The following FAM107A variants were observed in gnomAD, a reference collection of about 807,000 sequenced individuals.
The protein encoded by FAM107A is family with sequence similarity 107 member A, also known as actin-associated protein FAM107A.
A neutral mutation model predicts 13.7 loss-of-function variants in FAM107A; 19 were observed. The ratio of observed to expected loss-of-function variants is 1.38; its 90% CI spans 0.97 to 2.03. The LOEUF (loss-of-function observed/expected upper bound fraction) is 2.03. FAM107A is among the 30% of genes most tolerant of loss of function. FAM107A has a pLI of 0.00. For synonymous variants in FAM107A, 82 were observed against 74.5 expected (o/e 1.10, Z -0.52); for missense variants, 203 against 184.4 (o/e 1.10, Z -0.58).
chr3:58,599,351 G>A (rs1291066621), intron 1 of FAM107A, among the ~76,000 whole-genome samples: 2 of 152,324 alleles, frequency 1.3e-5, no homozygotes, highest in Admixed American at 1.3e-4. Context: ...AAGTGGAAAT[G>A]CTAGACCAGG....
intron 1 of FAM107A, among the ~76,000 whole-genome samples, chr3:58,583,454 C>A (rs2108059208): frequency 6.6e-6 from 1 of 152,200 alleles, no homozygotes; most frequent in Admixed American, 6.5e-5. Flanking sequence ...GAAACCCTGT[C>A]TCTATTAAAA....
chr3:58,581,866 T>C (rs67691350), upstream of FAM107A, among the ~76,000 whole-genome samples: 24,305 of 152,264 alleles, frequency 0.16, 2,490 homozygotes, highest in Non-Finnish European at 0.22. Context: ...TAGACATGGT[T>C]AATTTGGTCT....
intron 1 of FAM107A, among the ~76,000 whole-genome samples, chr3:58,606,821 C>A (rs1461502183): frequency 6.6e-6 from 1 of 152,182 alleles, no homozygotes; most frequent in Non-Finnish European, 1.5e-5. Context: ...CCAACCCCCA[C>A]CCCCAATACC....
chr3:58,579,597 C>T (rs1319439528), upstream of FAM107A, among the ~76,000 whole-genome samples: 2 of 152,160 alleles, frequency 1.3e-5, no homozygotes, highest in Non-Finnish European at 2.9e-5. Context: ...TCCTGCTCTG[C>T]AAAGAAGTAT....
rs771660928 is a variant in FAM107A at position 58,569,736 on chromosome 3, C to T, written c.125G>A (p.Arg42Gln). Residue 42 changes from arginine to glutamine, a missense_variant, in exon 2 of 4, where the codon CGG becomes CAG. Arg to Gln is a conservative substitution (Grantham distance 43). Coordinates refer to ENST00000360997, the MANE Select transcript of FAM107A (RefSeq NM_001076778.3). The surrounding 1 kb of genome is among the most constrained non-coding windows in gnomAD (Gnocchi z 5.7). ...KKLLNPVKASRSHQELHRELL... is the reference protein window; with the variant it reads ...KKLLNPVKASQSHQELHRELL... The stretch of plus-strand genomic sequence containing the variant: ...CTCCCGGTGGAGCTCCTGGTGACTC[C>T]GAGAGGCCTTCACGGGGTTCAGCAG... The T allele has an allele frequency of 7.4e-6, 12 of 1,613,868 alleles. No homozygotes were observed. The highest frequency in any genetic ancestry group is 1.7e-5 in the Admixed American group (1 of 60,004).
At chr3:58,579,183 C>G (rs571171385), upstream of FAM107A, among the ~76,000 whole-genome samples, 1 of 151,984 alleles carries the variant, frequency 6.6e-6, no homozygotes, top group African/African-American at 2.4e-5. Flanking sequence ...GGAGAGTCTT[C>G]GTAGGGTGGG....
chr3:58,586,973 G>T lies in FAM107A; in HGVS notation c.-37C>A, dbSNP rs35601505. ...TCCTACTGCAGAGCCAGCACTGCTG[G>T]CCCCGCGAGCGCACAGCAGGAGCGT... On this transcript the variant is annotated 5_prime_UTR_variant, in exon 1 of 4. Coordinates refer to the FAM107A transcript ENST00000447756. 2.0e-6 allele frequency: 3 copies of T among 1,498,888 alleles called. No homozygotes were observed. In the Admixed American group the frequency reaches 6.5e-5, roughly 33 times the overall value. The allele number at this position is 1,498,888 out of a possible 1,614,324, so 92.8% of individuals were successfully genotyped here. A position where few individuals can be genotyped will look rare whatever the true frequency, so the allele number is the denominator to read the frequency against.
chr3:58,592,432 G>A (rs1219559704), intron 1 of FAM107A, among the ~76,000 whole-genome samples: 1 of 152,160 alleles, frequency 6.6e-6, no homozygotes, highest in African/African-American at 2.4e-5. Context: ...CCCGAGTCAG[G>A]AAACTAAAAT....
rs1042392031 is a variant in FAM107A at position 58,617,014 on chromosome 3, C to G, written c.-70+10402G>C. On this transcript the variant is annotated intron_variant, in intron 1 of 3. Transcript: ENST00000465970. The surrounding 1 kb of genome is among the most constrained non-coding windows in gnomAD (Gnocchi z 4.5). ...GTCTCAATCTCTTGACCTTGTGATC[C>G]GCCTGCCTCGGCCTCCCAAAGTGCT... 3.9e-5 allele frequency among the ~76,000 whole-genome samples: 6 copies of G among 152,276 alleles called. No homozygotes were observed. The highest frequency in any genetic ancestry group is 2.1e-4 in the South Asian group (1 of 4,820).
At position 58,617,694 on chromosome 3, in the gene FAM107A, C is replaced by A. The variant is rs1422898590; in HGVS notation, c.-70+9722G>T. On this transcript the variant is annotated intron_variant, in intron 1 of 3. Coordinates refer to the FAM107A transcript ENST00000465970. The surrounding 1 kb of genome is among the most constrained non-coding windows in gnomAD (Gnocchi z 4.5). ...TTTGATTTGGCCCCTCTTGCACCAC[C>A]TCCAAACCCTTTCAAGATAGAAATT... 6.6e-6 allele frequency among the ~76,000 whole-genome samples: 1 copy of A among 152,146 alleles called. No homozygotes were observed. The highest frequency in any genetic ancestry group is 2.1e-4 in the South Asian group (1 of 4,828).
At chr3:58,574,170 A>G (rs2063711242) in intron 1 of FAM107A, 1 of 152,198 alleles carries the variant, frequency 6.6e-6, no homozygotes, top group Non-Finnish European at 1.5e-5. Flanking sequence ...AACAATCACT[A>G]TTAATAAATC....
intron 1 of FAM107A, among the ~76,000 whole-genome samples, chr3:58,570,649 T>TAAA (rs5849262): frequency 1.7e-5 from 2 of 114,826 alleles, no homozygotes; most frequent in African/African-American, 3.1e-5. Context: ...GAGACTGACT[T>TAAA]AAAAAAAAAA....
upstream of FAM107A, among the ~76,000 whole-genome samples, chr3:58,580,142 G>GCCAATAAAC (rs1156919719): frequency 6.6e-6 from 1 of 152,016 alleles, no homozygotes; most frequent in Non-Finnish European, 1.5e-5. Flanking sequence ...ACGAGATGCA[G>GCCAATAAAC]CCAATAAACA....
chr3:58,625,276 G>T (rs1397600241), intron 1 of FAM107A, among the ~76,000 whole-genome samples: 1 of 152,066 alleles, frequency 6.6e-6, no homozygotes, highest in Non-Finnish European at 1.5e-5. Context: ...GATAACCTCC[G>T]TTATCCTAAT....
At position 58,569,696 on chromosome 3, in the gene FAM107A, G is replaced by A; in HGVS notation, c.165C>T (p.His55=). The A allele has an allele frequency of 1.2e-6, 2 of 1,612,786 alleles. No homozygotes were observed. Among genetic ancestry groups the A allele is most frequent in the East Asian group, 2.2e-5 (1 of 44,816 alleles). Residue 55 remains histidine, a synonymous_variant, in exon 2 of 4, where the codon CAC becomes CAT. Coordinates refer to ENST00000360997, the MANE Select transcript of FAM107A (RefSeq NM_001076778.3). The surrounding 1 kb of genome is among the most constrained non-coding windows in gnomAD (Gnocchi z 5.7). ...QELHRELLMN[H]RRGLGVDSKP... The stretch of plus-strand genomic sequence containing the variant: ...CAGCAGGGCTTCATCCCTACCTTCT[G>A]TGGTTCATGAGCAGCTCCCGGTGGA...
intron 1 of FAM107A, among the ~76,000 whole-genome samples, chr3:58,570,628 A>AGAGAGG (rs2063673835): frequency 9.4e-6 from 1 of 106,840 alleles, no homozygotes; most frequent in Non-Finnish European, 1.9e-5. Flanking sequence ...AGAGAGAGAG[A>AGAGAGG]GAGAGAGAAA....
chr3:58,597,780 A>G (rs1015072111), intron 1 of FAM107A, among the ~76,000 whole-genome samples: 1 of 152,216 alleles, frequency 6.6e-6, no homozygotes, highest in Non-Finnish European at 1.5e-5. Context: ...GATGAGGAAG[A>G]AAGCTGAGGC....
intron 1 of FAM107A, among the ~76,000 whole-genome samples, chr3:58,616,043 G>A (rs906862310): frequency 3.9e-5 from 6 of 152,098 alleles, no homozygotes; most frequent in Non-Finnish European, 7.4e-5. Context: ...TGGGCTGTCA[G>A]AGATACCTGT....
chr3:58,596,066 A>T (rs1330302108), intron 1 of FAM107A, among the ~76,000 whole-genome samples: 1 of 152,226 alleles, frequency 6.6e-6, no homozygotes, highest in East Asian at 1.9e-4. Flanking sequence ...GCCCCAATAC[A>T]ACTGGGCACA....
Sources: allele counts gnomAD v4.1 joint callset (sites outside exome capture counted in the v4.1 genomes callset), GRCh38; gene constraint gnomAD v4.1.1; non-coding constraint Gnocchi (gnomAD v3.1); transcripts MANE v1.5; gene names NCBI Gene and HGNC (gene_info 2026-07-23, HGNC 2026-07-21).